Variants in ABLIM1 observed in about 807,000 individuals in gnomAD.
ABLIM1 encodes actin binding LIM protein 1, also known as actin-binding LIM protein 1.
In ABLIM1, 40 loss-of-function variants were observed where a neutral mutation model predicts 107.0. That is an observed-to-expected ratio of 0.37 (90% CI 0.29 to 0.49). ABLIM1 has a LOEUF of 0.49. ABLIM1 is among the 20% of genes least tolerant of loss of function. ABLIM1 has a pLI of 0.97. For missense variants in ABLIM1, 857 were observed against 1,008.5 expected (o/e 0.85, Z 2.04); for synonymous variants, 357 against 357.3 (o/e 1.00, Z 0.01).
At chr10:114,760,400 T>C (rs1219402295) in intron 1 of ABLIM1, among the ~76,000 whole-genome samples, 1 of 138,042 alleles carries the variant, frequency 7.2e-6, no homozygotes, top group Non-Finnish European at 1.5e-5. Flanking sequence ...AGAAAATTTC[T>C]CCTTCACACA....
intron 1 of ABLIM1, among the ~76,000 whole-genome samples, chr10:114,603,077 T>A (rs1301034973): frequency 6.6e-6 from 1 of 152,160 alleles, no homozygotes; most frequent in African/African-American, 2.4e-5. Context: ...GACATGAGCA[T>A]TATATGGGAC....
upstream of ABLIM1, among the ~76,000 whole-genome samples, chr10:114,689,877 T>C (rs1164202046): frequency 6.6e-6 from 1 of 152,158 alleles, no homozygotes; most frequent in East Asian, 1.9e-4. Flanking sequence ...TCCTAATCAC[T>C]GCTTGATGCT....
the ABLIM1 span, among the ~76,000 whole-genome samples, chr10:114,787,576 A>G: frequency 3.9e-5 from 4 of 102,762 alleles, no homozygotes; most frequent in African/African-American, 7.8e-5. Context: ...TCCGGGAGGG[A>G]GGTGGGGGGT....
intron 10 of ABLIM1, among the ~76,000 whole-genome samples, chr10:114,471,538 G>A (rs2066560100): frequency 6.6e-6 from 1 of 152,134 alleles, no homozygotes; most frequent in African/African-American, 2.4e-5. Flanking sequence ...TGCAGCTACA[G>A]CTAAGTGACC....
At chr10:114,449,807 G>C (rs1258487917) in intron 14 of ABLIM1, among the ~76,000 whole-genome samples, 2 of 152,182 alleles carry the variant, frequency 1.3e-5, no homozygotes, top group Admixed American at 1.3e-4. Flanking sequence ...ACAGACACCA[G>C]TTTTGGGCAT....
At chr10:114,690,198 C>G (rs907731914) in intron 1 of ABLIM1, 13 of 1,417,076 alleles carry the variant, frequency 9.2e-6, no homozygotes, top group Non-Finnish European at 1.3e-5. Flanking sequence ...CTTTCCATTC[C>G]TGGACCCAAA....
chr10:114,693,826 CTT>C (rs5788078), intron 1 of ABLIM1, among the ~76,000 whole-genome samples: 120 of 134,036 alleles, frequency 9.0e-4, no homozygotes, highest in South Asian at 9.8e-4. Context: ...TTTAAAAAAA[CTT>C]TTTTTTTTTT....
chr10:114,523,340 A>G (rs1014802442), intron 6 of ABLIM1, among the ~76,000 whole-genome samples: 3 of 152,070 alleles, frequency 2.0e-5, no homozygotes, highest in Non-Finnish European at 4.4e-5. Flanking sequence ...CCTGGTTCAG[A>G]GAACCAGGTA....
chr10:114,447,945 T>A lies in ABLIM1; in HGVS notation c.1670A>T (p.Asp557Val). 1 of 1,614,018 alleles carries A rather than the reference T, an allele frequency of 6.2e-7. No homozygotes were observed. Among genetic ancestry groups the A allele is most frequent in the Non-Finnish European group, 8.5e-7 (1 of 1,180,004 alleles). Residue 557 changes from aspartate to valine, a missense_variant, in exon 15 of 23, where the codon GAC (aspartate) becomes GTC (valine). Physicochemically the swap from Asp to Val is radical, Grantham distance 152 (BLOSUM62 -3). Coordinates refer to ENST00000533213, the MANE Select transcript of ABLIM1 (RefSeq NM_002313.7). Reference sequence around the variant, plus strand: ...CTCAATCTTTGGTGTCTCGCTGGGGTCTGGTGCCTGGGCTGCTGGGAACTT... The same window carrying A: ...CTCAATCTTTGGTGTCTCGCTGGGGACTGGTGCCTGGGCTGCTGGGAACTT... ...FSKFPAAQAP[D>V]PSETPKIETD... is the part of the protein sequence containing the mutation.
chr10:114,554,474 A>G (rs998289972), intron 4 of ABLIM1, among the ~76,000 whole-genome samples: 2 of 152,248 alleles, frequency 1.3e-5, no homozygotes, highest in African/African-American at 4.8e-5. Context: ...CAAGAGGATC[A>G]TAGCTTGAGG....
chr10:114,539,523 T>G (rs2066407160), intron 6 of ABLIM1, among the ~76,000 whole-genome samples: 1 of 152,234 alleles, frequency 6.6e-6, no homozygotes, highest in African/African-American at 2.4e-5. Flanking sequence ...GAAACTCAGT[T>G]GCTGTCTTAC....
upstream of ABLIM1, among the ~76,000 whole-genome samples, chr10:114,662,211 G>A (rs1014809848): frequency 1.3e-5 from 2 of 152,166 alleles, no homozygotes; most frequent in Admixed American, 1.3e-4. Context: ...GGCCTCATCA[G>A]TGATAATGGG....
intron 1 of ABLIM1, chr10:114,613,895 C>T (rs1187433165): frequency 5.8e-6 from 1 of 173,284 alleles, no homozygotes. Flanking sequence ...TAATCTGTCA[C>T]CTTGCTAGGT....
chr10:114,571,273 T>A, intron 4 of ABLIM1, 24 bp downstream of exon 4: 1 of 1,609,308 alleles, frequency 6.2e-7, no homozygotes, highest in Non-Finnish European at 8.5e-7. Flanking sequence ...GGTATTCACG[T>A]CAGTGGGTCA....
At chr10:114,466,478 A>G (rs551260496) in intron 11 of ABLIM1, among the ~76,000 whole-genome samples, 2 of 152,264 alleles carry the variant, frequency 1.3e-5, no homozygotes, top group East Asian at 1.9e-4. Context: ...TAGGTCACAT[A>G]CTATCACCTC....
rs1177369100 is a variant in ABLIM1 at position 114,489,790 on chromosome 10, G to A, written c.983-1774C>T. Among the ~76,000 whole-genome samples, 3 of 152,362 alleles carry A rather than the reference G, an allele frequency of 2.0e-5. No individual in the cohort carries two copies. In the East Asian group the frequency reaches 5.8e-4, roughly 29 times the overall value. On this transcript the variant is annotated intron_variant, in intron 7 of 22. Coordinates refer to ENST00000533213, the MANE Select transcript of ABLIM1 (RefSeq NM_002313.7). ...GGACAGAACATCAGATGCTGAAGAA[G>A]ATGAAACTGCTCTTTCTTCAAAGAT...
the ABLIM1 span, among the ~76,000 whole-genome samples, chr10:114,791,196 A>G: frequency 6.6e-6 from 1 of 152,178 alleles, no homozygotes; most frequent in African/African-American, 2.4e-5. Flanking sequence ...ATCCCGCCAC[A>G]TAAGCCTCCT....
chr10:114,571,400 C>A lies in ABLIM1; in HGVS notation c.570G>T (p.Pro190=). The part of the protein sequence containing the change: ...NCFACTICKR[P]FPPGDRVTFN... ...ATGTGACTCGGTCTCCGGGTGGAAA[C>A]GGGCGCCTGGAGGCAGAAAGACATC... The change falls in exon 4 of 23, where the codon CCG becomes CCT. Residue 190 remains proline, a synonymous_variant. Transcript: ENST00000533213. 1 of 1,614,134 alleles carries A rather than the reference C, an allele frequency of 6.2e-7. No homozygotes were observed. The highest frequency in any genetic ancestry group is 8.5e-7 in the Non-Finnish European group (1 of 1,179,994).
intron 1 of ABLIM1, among the ~76,000 whole-genome samples, chr10:114,678,323 G>A (rs537723981): frequency 6.6e-6 from 1 of 152,168 alleles, no homozygotes; most frequent in Non-Finnish European, 1.5e-5. Context: ...TAACCTGTTG[G>A]CAAATTTATT....
Sources: allele counts gnomAD v4.1 joint callset (sites outside exome capture counted in the v4.1 genomes callset), GRCh38; gene constraint gnomAD v4.1.1; transcripts MANE v1.5; gene names NCBI Gene and HGNC (gene_info 2026-07-23, HGNC 2026-07-21).